The following FRAS1 variants were observed in gnomAD, a reference collection of about 807,000 sequenced individuals.
FRAS1 encodes the protein Fraser extracellular matrix complex subunit 1, also known as extracellular matrix organizing protein FRAS1.
FRAS1 carries 290 observed loss-of-function variants against 435.2 expected under a neutral mutation model. The observed-to-expected ratio is 0.67, with a 90% CI of 0.61 to 0.73. The LOEUF (loss-of-function observed/expected upper bound fraction) is 0.73. Among genes scored for constraint, FRAS1 ranks in the 30% least tolerant of loss-of-function variants. The pLI is 0.00. For synonymous variants in FRAS1, 1,800 were observed against 1,851.0 expected, an observed-to-expected ratio of 0.97 and a Z score of 0.71; for missense variants, 4,860 against 5,001.5, an observed-to-expected ratio of 0.97 and a Z score of 0.85.
intron 18 of FRAS1, among the ~76,000 whole-genome samples, chr4:78,331,863 G>A (rs1015298414): frequency 6.6e-6 from 1 of 152,180 alleles, no homozygotes; most frequent in Non-Finnish European, 1.5e-5. Flanking sequence ...TTATTCCGAT[G>A]TGTTGAGGCC....
intron 20 of FRAS1, among the ~76,000 whole-genome samples, chr4:78,356,103 C>T (rs1473989427): frequency 1.3e-5 from 2 of 152,148 alleles, no homozygotes; most frequent in African/African-American, 4.8e-5. Flanking sequence ...CATACCACCT[C>T]TTAATTATGT....
intron 7 of FRAS1, among the ~76,000 whole-genome samples, chr4:78,265,888 G>T (rs1041510374): frequency 2.0e-5 from 3 of 152,184 alleles, no homozygotes; most frequent in African/African-American, 7.2e-5. Context: ...ACAAATTCTA[G>T]GCAGGTCACT....
At chr4:78,097,741 G>C (rs1741883700) in intron 2 of FRAS1, among the ~76,000 whole-genome samples, 2 of 152,160 alleles carry the variant, frequency 1.3e-5, no homozygotes, top group Non-Finnish European at 2.9e-5. Flanking sequence ...GGGAATTCTG[G>C]GAGCTACAAG....
chr4:78,516,025 G>A lies in FRAS1; in HGVS notation c.10389+12G>A, dbSNP rs369951225. On this transcript the variant is annotated intron_variant, in intron 66 of 73. Coordinates refer to ENST00000512123, the MANE Select transcript of FRAS1 (RefSeq NM_025074.7). ...CCGCTGACTTCCAGGTAGGTGCCCC[G>A]GGGCTTGTCTGAGGACTCTGCATAT... 2.6e-5 allele frequency: 42 copies of A among 1,604,794 alleles called. No homozygotes were observed. Among genetic ancestry groups the A allele is most frequent in the East Asian group, 2.0e-4 (9 of 44,578 alleles).
At chr4:78,517,877 G>C (rs1177228778) in intron 66 of FRAS1, among the ~76,000 whole-genome samples, 1 of 152,122 alleles carries the variant, frequency 6.6e-6, no homozygotes, top group African/African-American at 2.4e-5. Flanking sequence ...GATTGGAGCA[G>C]GTGTATTTAG....
At chr4:78,171,541 C>A (rs947591625) in intron 2 of FRAS1, among the ~76,000 whole-genome samples, 1 of 152,144 alleles carries the variant, frequency 6.6e-6, no homozygotes, top group Non-Finnish European at 1.5e-5. Flanking sequence ...CCACCTCCAC[C>A]CCCACACCTA....
intron 2 of FRAS1, among the ~76,000 whole-genome samples, chr4:78,214,979 C>G (rs1048394773): frequency 6.6e-6 from 1 of 152,014 alleles, no homozygotes; most frequent in Non-Finnish European, 1.5e-5. Flanking sequence ...GTCTTTCCCC[C>G]GATCTCTAAA....
rs775861842 is a variant in FRAS1 at position 78,252,463 on chromosome 4, C to G, written c.381C>G (p.Pro127=). The change falls in exon 5 of 74, where the codon CCC becomes CCG. Residue 127 remains proline, a synonymous_variant. Coordinates refer to ENST00000512123, the MANE Select transcript of FRAS1 (RefSeq NM_025074.7). ...SCNHGEVRCT[P]QPCPPLSCGH... Reference sequence around the variant, plus strand: ...ATCATGGGGAAGTCCGATGTACCCCCCAACCATGCCCACCGCTGTCATGTG... The same window carrying G: ...ATCATGGGGAAGTCCGATGTACCCCGCAACCATGCCCACCGCTGTCATGTG... 2 of 1,613,668 alleles carry G rather than the reference C, an allele frequency of 1.2e-6. No homozygotes were observed. The highest frequency in any genetic ancestry group is 1.1e-5 in the South Asian group (1 of 91,076).
rs146734477 is a variant in FRAS1, at chr4:78,530,838, A to G, written c.10926-3611A>G. Among the ~76,000 whole-genome samples, 880 of 152,318 alleles carry G rather than the reference A, an allele frequency of 5.8e-3. 2 individuals carry two copies. The highest frequency in any genetic ancestry group is 0.01 in the Middle Eastern group (3 of 294). ...GGTATACGGGTTCTTTTATGGTTAC[A>G]CATGAAATTTAAAGTAGTTTTTTCT... On this transcript the variant is annotated intron_variant, in intron 70 of 73. Coordinates refer to ENST00000512123, the MANE Select transcript of FRAS1 (RefSeq NM_025074.7).
chr4:78,490,208 G>A (rs1245996272), intron 59 of FRAS1, among the ~76,000 whole-genome samples: 1 of 147,722 alleles, frequency 6.8e-6, no homozygotes, highest in Non-Finnish European at 1.5e-5. Flanking sequence ...ATAATAGTGG[G>A]AGACTTTAAC....
chr4:78,212,189 T>C (rs1025119093), intron 2 of FRAS1, among the ~76,000 whole-genome samples: 4 of 152,212 alleles, frequency 2.6e-5, no homozygotes, highest in African/African-American at 7.2e-5. Flanking sequence ...ATAAAAAGTA[T>C]GTAAAATTTG....
intron 20 of FRAS1, among the ~76,000 whole-genome samples, chr4:78,356,817 C>G (rs1227693043): frequency 6.6e-6 from 1 of 152,048 alleles, no homozygotes. Flanking sequence ...AAAAAATTCT[C>G]ATTTAAATCT....
chr4:78,384,490 A>G (rs1349492378), intron 28 of FRAS1, among the ~76,000 whole-genome samples: 1 of 152,220 alleles, frequency 6.6e-6, no homozygotes, highest in East Asian at 1.9e-4. Flanking sequence ...TAATATAGCT[A>G]ATAAATAGGG....
intron 2 of FRAS1, chr4:78,182,158 T>C (rs551888463): frequency 2.6e-6 from 2 of 757,336 alleles, no homozygotes; most frequent in East Asian, 2.7e-5. Context: ...GAAGCAGGTA[T>C]TTAATAATTT....
chr4:78,532,791 T>C (rs1032186531), intron 70 of FRAS1, among the ~76,000 whole-genome samples: 6 of 152,218 alleles, frequency 3.9e-5, no homozygotes, highest in African/African-American at 1.4e-4. Context: ...GGTTCATCCA[T>C]GTGGTCACGA....
chr4:78,324,946 TATG>T (rs1729660802), intron 18 of FRAS1, among the ~76,000 whole-genome samples: 1 of 152,188 alleles, frequency 6.6e-6, no homozygotes, highest in African/African-American at 2.4e-5. Context: ...GAGGATTAAA[TATG>T]ATATAATTTT....
intron 18 of FRAS1, among the ~76,000 whole-genome samples, chr4:78,327,151 G>C (rs567520503): frequency 8.5e-5 from 13 of 152,162 alleles, no homozygotes; most frequent in Non-Finnish European, 1.8e-4. Context: ...GAGGCCTGAA[G>C]TTTGAGGCTT....
In FRAS1 at chr4:78,481,855, C is replaced by T. The variant is rs1274813489; in HGVS notation, c.8495C>T (p.Ala2832Val). The part of the protein sequence containing the change: ...IRHGTDLSTF[A>V]SVWCATRPSD... ...CATGGTACTGACCTCTCTACTTTCG[C>T]ATCTGTCTGGTGTGCAACGCGGCCC... is the stretch of plus-strand genomic sequence containing the variant. Residue 2832 changes from alanine to valine, a missense_variant, in exon 57 of 74, where the codon GCA becomes GTA. Ala to Val is a moderately conservative substitution (Grantham distance 64, BLOSUM62 0). Transcript: ENST00000512123. 2 of 1,613,798 alleles carry T rather than the reference C, an allele frequency of 1.2e-6. No individual in the cohort carries two copies. The highest frequency in any genetic ancestry group is 8.5e-7 in the Non-Finnish European group (1 of 1,179,844).
chr4:78,371,518 T>A (rs1016606712), intron 23 of FRAS1, among the ~76,000 whole-genome samples: 10 of 152,176 alleles, frequency 6.6e-5, no homozygotes, highest in South Asian at 2.1e-4. Flanking sequence ...AATTCATTAT[T>A]TCATTTTATT....
Sources: gnomAD v4.1 joint callset for allele counts (sites outside exome capture counted in the v4.1 genomes callset) on GRCh38, gnomAD v4.1.1 for gene constraint, MANE v1.5 for transcripts, NCBI Gene and HGNC (gene_info 2026-07-23, HGNC 2026-07-21) for gene names.